RPL7: variants seen among roughly 807,000 people sequenced by gnomAD.
RPL7 encodes large ribosomal subunit protein uL30.
For missense variants in RPL7, 205 were observed against 301.9 expected (o/e 0.68, Z 2.38); for synonymous variants, 100 against 102.2 (o/e 0.98, Z 0.13).
In RPL7 at chr8:73,292,432, A is replaced by G. The variant is rs774570342; in HGVS notation, c.124-27T>C. ...TGAAAACCAATAATCAGTTATTCAT[A>G]ATTTTTAGCTCAATCACAATTAGCA... On this transcript the variant is annotated intron_variant, in intron 2 of 6. Transcript: ENST00000352983. The G allele has an allele frequency of 3.8e-6, 6 of 1,574,804 alleles. No individual in the cohort carries two copies. The South Asian group carries it at 5.7e-5, about 15-fold the overall frequency.
At chr8:73,292,101 G>A (rs556655398) in intron 3 of RPL7, 138 bp downstream of exon 3, 32 of 1,083,512 alleles carry the variant, frequency 3.0e-5, no homozygotes, top group Non-Finnish European at 2.7e-6. Context: ...TAAACCATTA[G>A]TGATCAGCAC....
In RPL7 at chr8:73,293,602, A is replaced by T; in HGVS notation, c.11T>A (p.Val4Glu). Residue 4 changes from valine (V) to glutamate (E), a missense_variant, in exon 1 of 7, where the codon GTA becomes GAA. By Grantham distance (121) the Val-to-Glu change is moderately radical. Coordinates refer to ENST00000352983, the MANE Select transcript of RPL7 (RefSeq NM_000971.4). ...AAGAGGACCAGAAGCAACTCACTCT[A>T]CACCCTCCATGGTTCCAGCCGGAAA... MEG[V>E]EEKKKEVPAV... 1.9e-6 allele frequency: 3 copies of T among 1,613,932 alleles called. No homozygotes were observed. Among genetic ancestry groups the T allele is most frequent in the South Asian group, 1.1e-5 (1 of 91,038 alleles).
chr8:73,293,018 T>C (rs556223614), intron 1 of RPL7: 17 of 403,754 alleles, frequency 4.2e-5, no homozygotes, highest in Middle Eastern at 4.4e-4. Flanking sequence ...AATATGACAA[T>C]AGCAATACGT....
intron 2 of RPL7, 127 bp downstream of exon 2, chr8:73,292,562 G>C: frequency 2.0e-6 from 2 of 1,003,812 alleles, no homozygotes; most frequent in Admixed American, 4.9e-5. Context: ...CCTTCAGATT[G>C]TAACATTAGG....
At chr8:73,292,945 C>T in intron 1 of RPL7, 148 bp from the exon 2 acceptor site, 1 of 555,166 alleles carries the variant, frequency 1.8e-6, no homozygotes, top group Non-Finnish European at 3.2e-6. Context: ...CTACAGTGTA[C>T]GATGCATATT....
Position 73,290,428 on chromosome 8 carries a change from GCA to G in RPL7, c.*277_*278del, listed in dbSNP as rs1814070322. On this transcript the variant is annotated 3_prime_UTR_variant, in exon 7 of 7. Transcript: ENST00000352983. The stretch of plus-strand genomic sequence containing the variant: ...GAATAAACCCATTTCGAATCACTCA[GCA>G]CAGTTAAAAAACAAAAAATTAAAAT... 6.6e-6 allele frequency: 1 copy of G among 152,188 alleles called. No individual in the cohort carries two copies. The highest frequency in any genetic ancestry group is 2.4e-5 in the African/African-American group (1 of 41,416). 9.4% of individuals were successfully genotyped at this position (152,188 alleles called of 1,614,324 possible).
intron 5 of RPL7, 49 bp from the exon 6 acceptor site, chr8:73,291,301 GA>G: frequency 6.9e-7 from 1 of 1,451,548 alleles, no homozygotes; most frequent in Non-Finnish European, 9.5e-7. Flanking sequence ...AAAAAGTTTT[GA>G]AATAATTATT....
At chr8:73,293,938 C>T (rs1394315912), upstream of RPL7, 4 of 303,190 alleles carry the variant, frequency 1.3e-5, no homozygotes, top group Non-Finnish European at 2.6e-5. Flanking sequence ...ATAATGTTCC[C>T]AGGACGAGCC....
chr8:73,293,072 T>TAA (rs111698211), intron 1 of RPL7: 567 of 263,786 alleles, frequency 2.1e-3, no homozygotes, highest in Non-Finnish European at 2.7e-3. Context: ...GACGACTAAT[T>TAA]AAAAAAAAAA....
intron 5 of RPL7, 35 bp downstream of exon 5, chr8:73,291,517 G>A: frequency 6.8e-7 from 1 of 1,465,070 alleles, no homozygotes; most frequent in Non-Finnish European, 9.5e-7. Context: ...TTATCGCATG[G>A]TCTAATACCA....
At chr8:73,293,456 C>T (rs1224293201) in intron 1 of RPL7, 143 bp downstream of exon 1, 11 of 1,014,588 alleles carry the variant, frequency 1.1e-5, no homozygotes, top group South Asian at 2.8e-5. Context: ...GCCTCAGGTC[C>T]CCACTGGTGT....
upstream of RPL7, chr8:73,293,907 G>T (rs1814179083): frequency 5.2e-6 from 2 of 386,176 alleles, no homozygotes; most frequent in South Asian, 4.7e-5. Flanking sequence ...GCGCTGACAG[G>T]ATTAGGCTCC....
Position 73,291,397 on chromosome 8 carries a change from A to G in RPL7, c.539-145T>C, listed in dbSNP as rs536882568. ...GCATGGCTTTACAAAGATAAGGTTC[A>G]AGCTAATGAAACCATGTCTTACGTT... is the stretch of plus-strand genomic sequence containing the variant. On this transcript the variant is annotated intron_variant, in intron 5 of 6. Transcript: ENST00000352983. 1.7e-5 allele frequency: 14 copies of G among 844,420 alleles called. No homozygotes were observed. In the East Asian group the frequency reaches 3.2e-4, roughly 19 times the overall value. The allele number at this position is 844,420 out of a possible 1,614,324, so 52.3% of individuals were successfully genotyped here. A position where few individuals can be genotyped will look rare whatever the true frequency, so the allele number is the denominator to read the frequency against.
intron 1 of RPL7, 123 bp downstream of exon 1, chr8:73,293,475 GT>G (rs140937357): frequency 0.21 from 261,825 of 1,241,126 alleles, 27,869 homozygotes; most frequent in East Asian, 0.23. Flanking sequence ...GTCACACAGC[GT>G]TCACAATCAA....
chr8:73,293,057 CCTCCGACGA>C (rs1356941071), intron 1 of RPL7: 1 of 369,128 alleles, frequency 2.7e-6, no homozygotes, highest in East Asian at 4.1e-5. Context: ...AGAGGCCCGG[CCTCCGACGA>C]CTAATTAAAA....
At chr8:73,290,769 G>A (rs536446732) in intron 6 of RPL7, 64 bp from the exon 7 acceptor site, 5 of 360,274 alleles carry the variant, frequency 1.4e-5, no homozygotes, top group South Asian at 9.5e-5. Context: ...CATAAACTAG[G>A]CAGTTATAAA....
At chr8:73,291,936 C>G (rs774370754) in intron 3 of RPL7, 26 bp from the exon 4 acceptor site, 1 of 1,601,650 alleles carries the variant, frequency 6.2e-7, no homozygotes, top group Non-Finnish European at 8.6e-7. Context: ...ACCAGAAATG[C>G]ATTTGCCTTT....
rs140513154 is a variant in RPL7, at chr8:73,292,343, C to T, written c.186G>A (p.Arg62=). 218 of 1,605,270 alleles carry T rather than the reference C, an allele frequency of 1.4e-4. No homozygotes were observed. The highest frequency in any genetic ancestry group is 1.3e-4 in the Non-Finnish European group (155 of 1,178,958). ...TTCGAATTTCAGTTCTGTACATCTG[C>T]CTATATTCCTTGTGATAGTGCTTTG... ...EKAKHYHKEY[R]QMYRTEIRMA... Residue 62 remains arginine (R), a synonymous_variant, in exon 3 of 7, where the codon AGG becomes AGA. Transcript: ENST00000352983.
chr8:73,293,583 AC>A lies in RPL7; in HGVS notation c.14+15del, dbSNP rs1278958749. Reference sequence around the variant, plus strand: ...GAGATGGAGAAGGATTCTCAAGAGGACCAGAAGCAACTCACTCTACACCCTC... The same window carrying A: ...GAGATGGAGAAGGATTCTCAAGAGGACAGAAGCAACTCACTCTACACCCTC... On this transcript the variant is annotated intron_variant, in intron 1 of 6. Coordinates refer to ENST00000352983, the MANE Select transcript of RPL7 (RefSeq NM_000971.4). The A allele has an allele frequency of 2.5e-6, 4 of 1,613,738 alleles. No homozygotes were observed. The highest frequency in any genetic ancestry group is 1.1e-5 in the South Asian group (1 of 91,034).
Sources: allele counts gnomAD v4.1 joint callset, GRCh38; gene constraint gnomAD v4.1.1; transcripts MANE v1.5; gene names NCBI Gene and HGNC (gene_info 2026-07-23, HGNC 2026-07-21).